XPNPEP3: variants seen among roughly 807,000 people sequenced by gnomAD.
The protein encoded by XPNPEP3 is xaa-Pro aminopeptidase 3.
Under a neutral mutation model 60.0 loss-of-function variants are expected in XPNPEP3, and 41 were observed. The observed-to-expected ratio is 0.68, with a 90% CI of 0.53 to 0.89. The LOEUF is 0.89. XPNPEP3 is among the 40% of genes least tolerant of loss of function. The probability of loss-of-function intolerance (pLI) is 0.00; values close to 1 mark genes in which losing one functional copy is unlikely to be tolerated. For missense variants in XPNPEP3, 598 were observed against 638.9 expected, an observed-to-expected ratio of 0.94 and a Z score of 0.69; for synonymous variants, 212 against 223.2, an observed-to-expected ratio of 0.95 and a Z score of 0.45.
intron 4 of XPNPEP3, among the ~76,000 whole-genome samples, chr22:40,892,210 C>T (rs1003153509): frequency 2.0e-5 from 3 of 151,546 alleles, no homozygotes; most frequent in East Asian, 3.9e-4. Context: ...CTTTTTGAGA[C>T]GGAATCGCTG....
chr22:40,907,183 A>C (rs2058159258), intron 4 of XPNPEP3: 1 of 457,656 alleles, frequency 2.2e-6, no homozygotes, highest in Non-Finnish European at 4.4e-6. Flanking sequence ...TCACTTTGGG[A>C]GGCCAAGGTA....
chr22:40,867,314 C>G (rs888275476), intron 1 of XPNPEP3, among the ~76,000 whole-genome samples: 2 of 152,140 alleles, frequency 1.3e-5, no homozygotes, highest in African/African-American at 2.4e-5. Context: ...ATCCCTCCCC[C>G]TTGCCGCTCA....
chr22:40,922,595 T>C (rs2058220787), intron 8 of XPNPEP3, 82 bp downstream of exon 8: 1 of 1,491,438 alleles, frequency 6.7e-7, no homozygotes, highest in Non-Finnish European at 9.2e-7. Flanking sequence ...CTAATTAGAC[T>C]TAGAAATGGG....
At chr22:40,861,633 T>C (rs765644305) in intron 1 of XPNPEP3, 14 of 1,613,536 alleles carry the variant, frequency 8.7e-6, no homozygotes, top group Non-Finnish European at 1.2e-5. Flanking sequence ...TCCTGGACGA[T>C]TTAACAGGTC....
chr22:40,910,127 T>TA lies in XPNPEP3; in HGVS notation c.969+903dup, dbSNP rs889496161. ...AAACATGTAAATTATACAGCATAAT[T>TA]AAAAAAAAAAACAAAAATAAAAACG... On this transcript the variant is annotated intron_variant, in intron 6 of 9. Coordinates refer to ENST00000357137, the MANE Select transcript of XPNPEP3 (RefSeq NM_022098.4). Among the ~76,000 whole-genome samples the TA allele has an allele frequency of 9.5e-3, 1,365 of 143,304 alleles. 16 individuals carry two copies. Among genetic ancestry groups the TA allele is most frequent in the Middle Eastern group, 0.035 (10 of 282 alleles). 94.0% of individuals were successfully genotyped at this position (143,304 alleles called of 152,430 possible). A position where few individuals can be genotyped will look rare whatever the true frequency, so the allele number is the denominator to read the frequency against.
At chr22:40,880,040 A>G (rs977243945) in intron 2 of XPNPEP3, among the ~76,000 whole-genome samples, 1 of 151,586 alleles carries the variant, frequency 6.6e-6, no homozygotes, top group African/African-American at 2.4e-5. Context: ...AAAAAAAAAA[A>G]AAAAAAAAAA....
At chr22:40,925,463 A>G (rs546753178) in intron 9 of XPNPEP3, among the ~76,000 whole-genome samples, 10 of 152,326 alleles carry the variant, frequency 6.6e-5, no homozygotes, top group African/African-American at 2.4e-4. Context: ...GAACCTAGTC[A>G]TACATTGCTA....
At chr22:40,921,041 C>T (rs1349868245) in intron 7 of XPNPEP3, among the ~76,000 whole-genome samples, 1 of 152,216 alleles carries the variant, frequency 6.6e-6, no homozygotes, top group African/African-American at 2.4e-5. Context: ...ATCCACCCGC[C>T]TCGGCCTCCC....
chr22:40,915,537 G>T (rs1056937714), intron 7 of XPNPEP3, among the ~76,000 whole-genome samples: 1 of 150,828 alleles, frequency 6.6e-6, no homozygotes, highest in Admixed American at 6.6e-5. Context: ...GGGTGACAGA[G>T]TGAGACTCTA....
At chr22:40,892,329 C>T (rs1340714607) in intron 4 of XPNPEP3, among the ~76,000 whole-genome samples, 1 of 152,064 alleles carries the variant, frequency 6.6e-6, no homozygotes, top group Non-Finnish European at 1.5e-5. Flanking sequence ...GGACTACAGG[C>T]GTGCACTACC....
At chr22:40,900,915 AG>A (rs1380663070) in intron 4 of XPNPEP3, among the ~76,000 whole-genome samples, 4 of 152,104 alleles carry the variant, frequency 2.6e-5, no homozygotes, top group Non-Finnish European at 5.9e-5. Context: ...CTTGGGTAAC[AG>A]AGTGAGACCC....
At chr22:40,907,891 C>T (rs2058162297) in intron 5 of XPNPEP3, among the ~76,000 whole-genome samples, 2 of 152,070 alleles carry the variant, frequency 1.3e-5, no homozygotes, top group Admixed American at 1.3e-4. Flanking sequence ...TGTGAGGTGA[C>T]AAAAGTAATA....
chr22:40,899,434 C>T (rs149978150), intron 4 of XPNPEP3, among the ~76,000 whole-genome samples: 216 of 152,244 alleles, frequency 1.4e-3, no homozygotes, highest in African/African-American at 4.8e-3. Context: ...TTCCACATTC[C>T]ATGATTTCAA....
chr22:40,884,900 C>T (rs527658094), intron 3 of XPNPEP3, among the ~76,000 whole-genome samples: 13 of 151,478 alleles, frequency 8.6e-5, no homozygotes, highest in Non-Finnish European at 1.6e-4. Flanking sequence ...TGGTGGCATG[C>T]GCCTGTAATC....
At chr22:40,888,331 C>A in intron 4 of XPNPEP3, 1 of 360,360 alleles carries the variant, frequency 2.8e-6, no homozygotes. Flanking sequence ...GCAGTCTCGA[C>A]CTCCTGGGTT....
At chr22:40,895,766 T>C (rs1207600672) in intron 4 of XPNPEP3, among the ~76,000 whole-genome samples, 2 of 152,204 alleles carry the variant, frequency 1.3e-5, no homozygotes, top group Non-Finnish European at 2.9e-5. Flanking sequence ...AGACTTTTTA[T>C]CCCTTTCACA....
At chr22:40,907,423 A>G (rs2058160574) in intron 4 of XPNPEP3, among the ~76,000 whole-genome samples, 164 bp from the exon 5 acceptor site, 1 of 152,170 alleles carries the variant, frequency 6.6e-6, no homozygotes, top group South Asian at 2.1e-4. Context: ...TCCGTCTCAA[A>G]AAAAAAACAA....
intron 5 of XPNPEP3, 38 bp downstream of exon 5, chr22:40,907,687 G>A (rs914942832): frequency 1.3e-6 from 2 of 1,589,556 alleles, no homozygotes; most frequent in Admixed American, 1.7e-5. Context: ...TCTTGTTGGA[G>A]GTGAATATAA....
chr22:40,888,354 C>T (rs903610340), intron 4 of XPNPEP3: 5 of 393,644 alleles, frequency 1.3e-5, no homozygotes, highest in African/African-American at 6.3e-5. Context: ...AGTGATCCTC[C>T]CACCTTAGCC....
Sources: allele counts gnomAD v4.1 joint callset (sites outside exome capture counted in the v4.1 genomes callset), GRCh38; gene constraint gnomAD v4.1.1; transcripts MANE v1.5; gene names NCBI Gene and HGNC (gene_info 2026-07-23, HGNC 2026-07-21).